Variants in RUBCNL observed in about 807,000 individuals in gnomAD.
RUBCNL encodes rubicon like autophagy enhancer, also known as protein associated with UVRAG as autophagy enhancer.
In RUBCNL, 62 loss-of-function variants were observed where a neutral mutation model predicts 69.5. The observed-to-expected ratio is 0.89, with a 90% CI of 0.73 to 1.10. The LOEUF is 1.10. Ranked by LOEUF, RUBCNL falls within the 50% of genes least tolerant of loss-of-function variation. The pLI is 0.00. For synonymous variants in RUBCNL, 291 were observed against 303.6 expected (o/e 0.96, Z 0.43); for missense variants, 768 against 798.1 (o/e 0.96, Z 0.45).
Position 46,341,523 on chromosome 13 carries a change from T to C in RUBCNL, c.*1862A>G, listed in dbSNP as rs978521957. ...CAAAATAGAAAATCAAAAGCATCAC[T>C]TCCTGGCAACTGCTGTGCACTCTTC... On this transcript the variant is annotated 3_prime_UTR_variant, in exon 15 of 15. Coordinates refer to ENST00000429979, the MANE Select transcript of RUBCNL (RefSeq NM_025113.5). Among the ~76,000 whole-genome samples, 4 of 152,178 alleles carry C rather than the reference T, an allele frequency of 2.6e-5. No individual in the cohort carries two copies. Among genetic ancestry groups the C allele is most frequent in the South Asian group, 2.1e-4 (1 of 4,828 alleles).
At position 46,355,843 on chromosome 13, in the gene RUBCNL, A is replaced by C. The variant is rs769750930; in HGVS notation, c.1330+589T>G. Reference sequence around the variant, plus strand: ...CTAGTGTTGAAGACAGATAATAATAAGACATATTAGTAAAATATAAGAGAC... The same window carrying C: ...CTAGTGTTGAAGACAGATAATAATACGACATATTAGTAAAATATAAGAGAC... On this transcript the variant is annotated intron_variant, in intron 10 of 14. Transcript: ENST00000429979. Among the ~76,000 whole-genome samples the C allele has an allele frequency of 1.4e-4, 21 of 152,246 alleles. 1 individual carries two copies. The highest frequency in any genetic ancestry group is 1.2e-3 in the Admixed American group (18 of 15,288).
At chr13:46,365,155 T>C (rs1244850066) in intron 5 of RUBCNL, among the ~76,000 whole-genome samples, 1 of 151,574 alleles carries the variant, frequency 6.6e-6, no homozygotes, top group Non-Finnish European at 1.5e-5. Context: ...ATACAAAAAT[T>C]AGCTGGGCGT....
intron 10 of RUBCNL, 122 bp from the exon 11 acceptor site, chr13:46,350,473 G>C (rs1384571166): frequency 7.0e-6 from 5 of 717,538 alleles, no homozygotes; most frequent in Non-Finnish European, 9.1e-6. Context: ...TGATGATAAA[G>C]CCATACTCAA....
chr13:46,347,371 C>T (rs1451669015), intron 12 of RUBCNL, among the ~76,000 whole-genome samples: 1 of 152,114 alleles, frequency 6.6e-6, no homozygotes, highest in African/African-American at 2.4e-5. Context: ...TGTACCACTG[C>T]ACGCCAAACT....
intron 4 of RUBCNL, 111 bp downstream of exon 4, chr13:46,368,622 G>A (rs1453200604): frequency 9.2e-6 from 12 of 1,308,356 alleles, no homozygotes; most frequent in South Asian, 1.5e-5. Flanking sequence ...AATGCTGAAA[G>A]GAAACCTATT....
chr13:46,376,341 TA>T (rs1432020001), intron 2 of RUBCNL, among the ~76,000 whole-genome samples: 2 of 152,086 alleles, frequency 1.3e-5, no homozygotes, highest in Admixed American at 1.3e-4. Flanking sequence ...TACCTTTGTA[TA>T]TAACATATAT....
rs900074879 is a variant in RUBCNL at position 46,339,732 on chromosome 13, G to A, written c.*3653C>T. ...AAATTATCCAGGCCTGGTGGCGTGCGCCTGCAATCCCAGCTACTCGGGAGG... is the reference window on the plus strand; with the variant it reads ...AAATTATCCAGGCCTGGTGGCGTGCACCTGCAATCCCAGCTACTCGGGAGG... On this transcript the variant is annotated 3_prime_UTR_variant, in exon 15 of 15. Coordinates refer to ENST00000429979, the MANE Select transcript of RUBCNL (RefSeq NM_025113.5). 5.3e-5 allele frequency among the ~76,000 whole-genome samples: 8 copies of A among 151,974 alleles called. No individual in the cohort carries two copies. The highest frequency in any genetic ancestry group is 7.3e-5 in the African/African-American group (3 of 41,354).
At chr13:46,376,339 TATATAAC>T in intron 2 of RUBCNL, among the ~76,000 whole-genome samples, 1 of 152,258 alleles carries the variant, frequency 6.6e-6, no homozygotes, top group East Asian at 1.9e-4. Flanking sequence ...TATACCTTTG[TATATAAC>T]ATATATTAAT....
chr13:46,377,834 A>G, intron 2 of RUBCNL, 56 bp downstream of exon 2: 1 of 999,258 alleles, frequency 1.0e-6, no homozygotes, highest in Non-Finnish European at 1.5e-6. Context: ...AACCATGTCT[A>G]AGGTCACAGC....
chr13:46,364,986 T>G (rs563159561), intron 5 of RUBCNL, among the ~76,000 whole-genome samples: 35 of 152,180 alleles, frequency 2.3e-4, no homozygotes, highest in African/African-American at 7.9e-4. Context: ...AGAAGACAAT[T>G]TCTCAGCCAT....
At chr13:46,387,819 T>G, upstream of RUBCNL, 1 of 985,542 alleles carries the variant, frequency 1.0e-6, no homozygotes, top group Non-Finnish European at 1.2e-6. Flanking sequence ...CAGCGAAGGT[T>G]TGGAATCCCA....
chr13:46,335,993 T>C lies in RUBCNL; in HGVS notation c.*7392A>G, dbSNP rs947067889. Among the ~76,000 whole-genome samples the C allele has an allele frequency of 1.3e-5, 2 of 152,168 alleles. No individual in the cohort carries two copies. The highest frequency in any genetic ancestry group is 2.9e-5 in the Non-Finnish European group (2 of 68,038). On this transcript the variant is annotated 3_prime_UTR_variant, in exon 15 of 15. Transcript: ENST00000429979. ...GCAAAACTGAGCCCTGGAATCTCTGTCTTTATTTAGAGATGGACAGAGAAA... is the reference window on the plus strand; with the variant it reads ...GCAAAACTGAGCCCTGGAATCTCTGCCTTTATTTAGAGATGGACAGAGAAA...
At chr13:46,361,615 G>A in intron 7 of RUBCNL, 42 bp from the exon 8 acceptor site, 1 of 1,553,774 alleles carries the variant, frequency 6.4e-7, no homozygotes, top group South Asian at 1.2e-5. Context: ...CTATATTCAT[G>A]AGGAGTATGT....
At chr13:46,370,563 C>A (rs936789468) in intron 3 of RUBCNL, among the ~76,000 whole-genome samples, 8 of 152,138 alleles carry the variant, frequency 5.3e-5, no homozygotes, top group African/African-American at 1.9e-4. Context: ...TCAAAACATT[C>A]CGTGAGTTGT....
In RUBCNL at chr13:46,336,052, G is replaced by A. The variant is rs2048103247; in HGVS notation, c.*7333C>T. ...AAACCTACAAAGGAGACCAAGAAAA[G>A]AGACCACTGTCTACAGAGGAAGGGG... On this transcript the variant is annotated 3_prime_UTR_variant, in exon 15 of 15. Coordinates refer to ENST00000429979, the MANE Select transcript of RUBCNL (RefSeq NM_025113.5). 6.6e-6 allele frequency among the ~76,000 whole-genome samples: 1 copy of A among 152,198 alleles called. No homozygotes were observed. The highest frequency in any genetic ancestry group is 6.5e-5 in the Admixed American group (1 of 15,282).
At position 46,344,708 on chromosome 13, in the gene RUBCNL, T is replaced by G. The variant is rs1185602232; in HGVS notation, c.1876+33A>C. The G allele has an allele frequency of 5.0e-6, 7 of 1,387,218 alleles. No homozygotes were observed. In the Admixed American group the frequency reaches 5.6e-5, roughly 11 times the overall value. 85.9% of individuals were successfully genotyped at this position (1,387,218 alleles called of 1,614,324 possible). On this transcript the variant is annotated intron_variant, in intron 14 of 14. Coordinates refer to ENST00000429979, the MANE Select transcript of RUBCNL (RefSeq NM_025113.5). ...AAACTTAGTTTAATTAGTTAACCTATTATTAAGCTTATGTTATTAAGTTAT... is the reference window on the plus strand; with the variant it reads ...AAACTTAGTTTAATTAGTTAACCTAGTATTAAGCTTATGTTATTAAGTTAT...
Position 46,347,744 on chromosome 13 carries a change from C to A in RUBCNL, c.1631+1542G>T, listed in dbSNP as rs545117954. On this transcript the variant is annotated intron_variant, in intron 12 of 14. Coordinates refer to ENST00000429979, the MANE Select transcript of RUBCNL (RefSeq NM_025113.5). ...CGGTGGCTCATGCCTGTAATCCCAG[C>A]ACTTTGGGAGGCCGAGGCGGGCAGA... is the stretch of plus-strand genomic sequence containing the variant. 5.8e-4 allele frequency among the ~76,000 whole-genome samples: 88 copies of A among 152,198 alleles called. 1 individual carries two copies. The Middle Eastern group carries it at 0.01, about 18-fold the overall frequency.
rs866708750 is a variant in RUBCNL, at chr13:46,335,271, T to G, written c.*8114A>C. Among the ~76,000 whole-genome samples the G allele has an allele frequency of 0.094, 13,136 of 139,698 alleles. 759 individuals carry two copies. Among genetic ancestry groups the G allele is most frequent in the Non-Finnish European group, 0.14 (9,123 of 63,546 alleles). The allele number at this position is 139,698 out of a possible 152,430, so 91.6% of individuals were successfully genotyped here. ...TTGTTGTTGTTGTTGTTTTTTTTTT[T>G]TTTTTTTTTTTTTTAAGAGACAGGG... On this transcript the variant is annotated 3_prime_UTR_variant, in exon 15 of 15. Coordinates refer to ENST00000429979, the MANE Select transcript of RUBCNL (RefSeq NM_025113.5).
chr13:46,370,633 G>A (rs961512270), intron 3 of RUBCNL, among the ~76,000 whole-genome samples: 7 of 152,180 alleles, frequency 4.6e-5, no homozygotes, highest in Non-Finnish European at 8.8e-5. Context: ...AGGGGCTGGG[G>A]TATCTGTTTT....
Sources: allele counts gnomAD v4.1 joint callset (sites outside exome capture counted in the v4.1 genomes callset), GRCh38; gene constraint gnomAD v4.1.1; transcripts MANE v1.5; gene names NCBI Gene and HGNC (gene_info 2026-07-23, HGNC 2026-07-21).